The following PCDHGA2 variants were observed in gnomAD, a reference collection of about 807,000 sequenced individuals.
PCDHGA2 encodes protocadherin gamma subfamily A, 2, also known as protocadherin gamma-A2.
A neutral mutation model predicts 59.2 loss-of-function variants in PCDHGA2; 40 were observed. The ratio of observed to expected loss-of-function variants is 0.68; its 90% CI spans 0.52 to 0.88. PCDHGA2 has a LOEUF of 0.88. Among genes scored for constraint, PCDHGA2 ranks in the 40% least tolerant of loss-of-function variants. The pLI is 0.00. For missense variants in PCDHGA2, 1,226 were observed against 1,204.0 expected, an observed-to-expected ratio of 1.02 and a Z score of -0.27; for synonymous variants, 560 against 526.0, an observed-to-expected ratio of 1.06 and a Z score of -0.89.
At chr5:141,501,366 T>G (rs1297210978) in intron 2 of PCDHGA2, among the ~76,000 whole-genome samples, 1 of 150,672 alleles carries the variant, frequency 6.6e-6, no homozygotes, top group Non-Finnish European at 1.5e-5. Flanking sequence ...ACCATATTCA[T>G]CATCTCTTAA....
intron 1 of PCDHGA2, chr5:141,356,901 C>T (rs757701298): frequency 1.2e-6 from 2 of 1,614,208 alleles, no homozygotes; most frequent in Non-Finnish European, 1.7e-6. Flanking sequence ...ACCCCACCTT[C>T]CCTACTGATG....
intron 1 of PCDHGA2, chr5:141,364,640 G>T: frequency 6.2e-7 from 1 of 1,614,130 alleles, no homozygotes; most frequent in Non-Finnish European, 8.5e-7. Context: ...ACTGTGTGTG[G>T]TGAACTTTAA....
In PCDHGA2 at chr5:141,476,208, C is replaced by A. The variant is rs1266601125; in HGVS notation, c.2425-18599C>A. 1.2e-6 allele frequency: 2 copies of A among 1,613,912 alleles called. No homozygotes were observed. Among genetic ancestry groups the A allele is most frequent in the East Asian group, 4.5e-5 (2 of 44,826 alleles). On this transcript the variant is annotated intron_variant, in intron 1 of 3. Coordinates refer to ENST00000394576, the MANE Select transcript of PCDHGA2 (RefSeq NM_018915.4). The surrounding 1 kb of genome is among the most constrained non-coding windows in gnomAD (Gnocchi z 7.6). ...CTTGGTGCCTTGAACAAGGCTTCCA[C>A]GGTCATTCACTATGAGATCCCGGAG...
intron 1 of PCDHGA2, chr5:141,384,677 C>T (rs919957351): frequency 2.5e-6 from 4 of 1,614,188 alleles, no homozygotes; most frequent in South Asian, 1.1e-5. Context: ...AAGGTGGTGG[C>T]GGTGGACAAA....
intron 1 of PCDHGA2, chr5:141,350,288 A>G: frequency 2.0e-6 from 3 of 1,513,308 alleles, no homozygotes; most frequent in Non-Finnish European, 2.6e-6. Flanking sequence ...AGCCGAAATG[A>G]TGAAAAGTCA....
intron 1 of PCDHGA2, chr5:141,384,250 A>C: frequency 6.2e-7 from 1 of 1,613,796 alleles, no homozygotes; most frequent in East Asian, 2.2e-5. Context: ...TAACCCACCC[A>C]CCTTCCCCCA....
chr5:141,438,358 G>A (rs1160913890), intron 1 of PCDHGA2, among the ~76,000 whole-genome samples: 1 of 151,634 alleles, frequency 6.6e-6, no homozygotes. Context: ...TCTGTGTATT[G>A]TCATTGAGGG....
intron 1 of PCDHGA2, among the ~76,000 whole-genome samples, chr5:141,358,371 C>T (rs1760899906): frequency 6.6e-6 from 1 of 152,170 alleles, no homozygotes; most frequent in Admixed American, 6.5e-5. Context: ...CCTATTTTCA[C>T]ACTCTACCAT....
chr5:141,491,709 C>T lies in PCDHGA2; in HGVS notation c.2425-3098C>T, dbSNP rs2099725685. On this transcript the variant is annotated intron_variant, in intron 1 of 3. Coordinates refer to ENST00000394576, the MANE Select transcript of PCDHGA2 (RefSeq NM_018915.4). The surrounding 1 kb of genome is among the most constrained non-coding windows in gnomAD (Gnocchi z 6.9). The stretch of plus-strand genomic sequence containing the variant: ...TGCGGGAGCGGAGCCAGGTGAGGGG[C>T]TCGGCGCCGCCCCGGGCGACCCCTG... 6.2e-7 allele frequency: 1 copy of T among 1,610,156 alleles called. No homozygotes were observed. Among genetic ancestry groups the T allele is most frequent in the Non-Finnish European group, 8.5e-7 (1 of 1,178,376 alleles).
intron 1 of PCDHGA2, chr5:141,413,423 C>A (rs770419729): frequency 6.2e-7 from 1 of 1,614,078 alleles, no homozygotes; most frequent in Non-Finnish European, 8.5e-7. Flanking sequence ...TCTCTGAACC[C>A]GCGCAGCGGC....
rs11410533 is a variant in PCDHGA2, at chr5:141,429,387, TAAAA to T, written c.2425-65415_2425-65412del. Among the ~76,000 whole-genome samples, 383 of 151,446 alleles carry T rather than the reference TAAAA, an allele frequency of 2.5e-3. 1 individual carries two copies. The highest frequency in any genetic ancestry group is 4.2e-3 in the South Asian group (20 of 4,786). ...AAATGGAGAAAATGTGTTTTTTTTT[TAAAA>T]AAAATTGAGATTAAGGTCTCATTAT... On this transcript the variant is annotated intron_variant, in intron 1 of 3. Transcript: ENST00000394576.
chr5:141,422,400 G>A (rs1207332302), intron 1 of PCDHGA2: 3 of 1,598,664 alleles, frequency 1.9e-6, no homozygotes, highest in South Asian at 2.3e-5. Context: ...CTAACCACCT[G>A]CCTTTTAAAT....
chr5:141,400,493 A>G, intron 1 of PCDHGA2: 2 of 1,614,014 alleles, frequency 1.2e-6, no homozygotes, highest in South Asian at 2.2e-5. Flanking sequence ...CCACTTTGTA[A>G]TTCCAGCGAG....
At chr5:141,500,453 C>G (rs1403599390) in intron 2 of PCDHGA2, among the ~76,000 whole-genome samples, 1 of 152,246 alleles carries the variant, frequency 6.6e-6, no homozygotes, top group African/African-American at 2.4e-5. Flanking sequence ...TCGTGATCCG[C>G]CCGCCTCGGC....
rs1019219811 is a variant in PCDHGA2, at chr5:141,420,399, T to G, written c.2425-74408T>G. ...AGAGTTCGCAAAATATAGGTCAAAT[T>G]TATGGTTATCATTATTAAAACAAAA... On this transcript the variant is annotated intron_variant, in intron 1 of 3. Transcript: ENST00000394576. 5.6e-6 allele frequency: 7 copies of G among 1,257,080 alleles called. No individual in the cohort carries two copies. In the Admixed American group the frequency reaches 1.8e-4, roughly 32 times the overall value. 77.9% of individuals were successfully genotyped at this position (1,257,080 alleles called of 1,614,324 possible).
At position 141,446,758 on chromosome 5, in the gene PCDHGA2, C is replaced by T. The variant is rs776925316; in HGVS notation, c.2425-48049C>T. Among the ~76,000 whole-genome samples, 10 of 152,208 alleles carry T rather than the reference C, an allele frequency of 6.6e-5. 1 individual carries two copies. Among genetic ancestry groups the T allele is most frequent in the African/African-American group, 9.7e-5 (4 of 41,448 alleles). On this transcript the variant is annotated intron_variant, in intron 1 of 3. Transcript: ENST00000394576. ...TGGGGATTACAGGCGTGAGCCACCG[C>T]GCCCAGCCGGTTACCATTCTTTTAC...
chr5:141,406,253 C>CA (rs2094783585), intron 1 of PCDHGA2, among the ~76,000 whole-genome samples: 1 of 151,976 alleles, frequency 6.6e-6, no homozygotes, highest in Admixed American at 6.6e-5. Flanking sequence ...AGACTGGTCT[C>CA]AAACGATCTT....
At position 141,490,521 on chromosome 5, in the gene PCDHGA2, C is replaced by T. The variant is rs146064810; in HGVS notation, c.2425-4286C>T. The stretch of plus-strand genomic sequence containing the variant: ...ACTATATCATCGAGCTGCTGGCCAG[C>T]GATGCTGGTTCACCTTCCCTACACA... On this transcript the variant is annotated intron_variant, in intron 1 of 3. Coordinates refer to ENST00000394576, the MANE Select transcript of PCDHGA2 (RefSeq NM_018915.4). This position sits in a 1 kb window ranked among gnomAD's most constrained non-coding sequence, Gnocchi z 5.4. The T allele has an allele frequency of 1.0e-4, 166 of 1,614,058 alleles. No individual in the cohort carries two copies. In the African/African-American group the frequency reaches 1.7e-3, roughly 16 times the overall value.
At chr5:141,409,979 G>T in intron 1 of PCDHGA2, 1 of 1,613,348 alleles carries the variant, frequency 6.2e-7, no homozygotes, top group Non-Finnish European at 8.5e-7. Flanking sequence ...TAAGGTGGTA[G>T]CGGTGGACGC....
Sources: allele counts gnomAD v4.1 joint callset (sites outside exome capture counted in the v4.1 genomes callset), GRCh38; gene constraint gnomAD v4.1.1; non-coding constraint Gnocchi (gnomAD v3.1); transcripts MANE v1.5; gene names NCBI Gene and HGNC (gene_info 2026-07-23, HGNC 2026-07-21).